SPICE1: variants seen among roughly 807,000 people sequenced by gnomAD.
SPICE1 encodes spindle and centriole associated protein 1.
In SPICE1, 75 loss-of-function variants were observed where a neutral mutation model predicts 102.7. The observed-to-expected ratio is 0.73, with a 90% CI of 0.61 to 0.88. SPICE1 has a LOEUF of 0.88. Ranked by LOEUF, SPICE1 falls within the 40% of genes least tolerant of loss-of-function variation. SPICE1 has a pLI of 0.00. For synonymous variants in SPICE1, 308 were observed against 350.3 expected (o/e 0.88, Z 1.35); for missense variants, 979 against 1,020.1 (o/e 0.96, Z 0.55).
chr3:113,488,022 GGTT>G (rs1936683196), intron 7 of SPICE1, among the ~76,000 whole-genome samples: 1 of 151,838 alleles, frequency 6.6e-6, no homozygotes, highest in African/African-American at 2.4e-5. Context: ...GAAGATTCCA[GGTT>G]TTTTTTAAAA....
chr3:113,505,609 A>G (rs1303847252), intron 2 of SPICE1, among the ~76,000 whole-genome samples: 1 of 152,224 alleles, frequency 6.6e-6, no homozygotes, highest in Non-Finnish European at 1.5e-5. Flanking sequence ...TCAGGTCACA[A>G]AAGAGAAATC....
intron 4 of SPICE1, among the ~76,000 whole-genome samples, chr3:113,495,727 C>A (rs756039142): frequency 5.3e-5 from 8 of 152,180 alleles, no homozygotes; most frequent in Non-Finnish European, 1.0e-4. Flanking sequence ...GAATTATGAG[C>A]TTAGGAAAGA....
At chr3:113,455,921 A>G (rs1269780922) in intron 13 of SPICE1, among the ~76,000 whole-genome samples, 1 of 152,246 alleles carries the variant, frequency 6.6e-6, no homozygotes, top group Non-Finnish European at 1.5e-5. Context: ...AAGAGGAAAT[A>G]CTGAATCATA....
Position 113,445,220 on chromosome 3 carries a change from A to G in SPICE1, c.*87T>C, listed in dbSNP as rs1935485201. The G allele has an allele frequency of 9.8e-7, 1 of 1,022,474 alleles. No individual in the cohort carries two copies. The highest frequency in any genetic ancestry group is 2.5e-5 in the East Asian group (1 of 40,238). The allele number at this position is 1,022,474 out of a possible 1,614,324, so 63.3% of individuals were successfully genotyped here. On this transcript the variant is annotated 3_prime_UTR_variant, in exon 18 of 18. Coordinates refer to ENST00000295872, the MANE Select transcript of SPICE1 (RefSeq NM_144718.4). ...ACAGGATCTTTGTAGGTTTTATCTG[A>G]AAGAAGGATATAAAAACTTAAAAGT...
At chr3:113,510,187 T>C (rs938844696) in intron 1 of SPICE1, among the ~76,000 whole-genome samples, 3 of 152,194 alleles carry the variant, frequency 2.0e-5, no homozygotes, top group Non-Finnish European at 4.4e-5. Flanking sequence ...AAAATAGCCA[T>C]ACTGGCATTT....
intron 4 of SPICE1, among the ~76,000 whole-genome samples, chr3:113,498,113 T>C (rs1414477451): frequency 6.6e-6 from 1 of 152,126 alleles, no homozygotes; most frequent in African/African-American, 2.4e-5. Context: ...TGACCTCAGG[T>C]GATCTGCCCG....
intron 7 of SPICE1, among the ~76,000 whole-genome samples, chr3:113,485,172 G>GTTTTTTT (rs1346426484): frequency 2.0e-5 from 3 of 147,246 alleles, no homozygotes. Flanking sequence ...CAGGAGTTTT[G>GTTTTTTT]TTTGTTTTTT....
chr3:113,468,357 T>A lies in SPICE1; in HGVS notation c.937A>T (p.Ile313Leu). The change falls in exon 10 of 18, where the codon ATA becomes TTA. Residue 313 changes from isoleucine to leucine, a missense_variant. Coordinates refer to ENST00000295872, the MANE Select transcript of SPICE1 (RefSeq NM_144718.4). ...LHALSKPKKN[I>L]SSGSTTSADL... is the part of the protein sequence containing the mutation. ...GCAGAGGTTGTGCTACCTGATGATATGTTTTTCTTCGGCTTGGAAAGAGCA... is the reference window on the plus strand; with the variant it reads ...GCAGAGGTTGTGCTACCTGATGATAAGTTTTTCTTCGGCTTGGAAAGAGCA... 1 of 1,614,220 alleles carries A rather than the reference T, an allele frequency of 6.2e-7. No individual in the cohort carries two copies. The highest frequency in any genetic ancestry group is 8.5e-7 in the Non-Finnish European group (1 of 1,180,028).
chr3:113,497,427 T>C (rs1358532890), intron 4 of SPICE1, among the ~76,000 whole-genome samples: 1 of 152,160 alleles, frequency 6.6e-6, no homozygotes, highest in Non-Finnish European at 1.5e-5. Context: ...TAAATTGTGG[T>C]ACATCTATAT....
intron 7 of SPICE1, among the ~76,000 whole-genome samples, chr3:113,475,964 G>T (rs978927099): frequency 3.3e-5 from 5 of 152,080 alleles, no homozygotes; most frequent in Admixed American, 2.0e-4. Flanking sequence ...GAAATAAAGG[G>T]TATTCAATTA....
chr3:113,486,380 GA>G (rs1203735086), intron 7 of SPICE1, among the ~76,000 whole-genome samples: 2 of 149,718 alleles, frequency 1.3e-5, no homozygotes, highest in East Asian at 2.0e-4. Flanking sequence ...ATAGAGACAT[GA>G]AAAACCCTTC....
intron 12 of SPICE1, among the ~76,000 whole-genome samples, chr3:113,459,228 T>A (rs528924831): frequency 2.0e-5 from 3 of 152,152 alleles, no homozygotes; most frequent in Non-Finnish European, 4.4e-5. Flanking sequence ...GCATACTCGT[T>A]AAGAGTCATC....
chr3:113,470,785 A>T (rs1474457006), intron 7 of SPICE1, among the ~76,000 whole-genome samples: 1 of 152,246 alleles, frequency 6.6e-6, no homozygotes, highest in East Asian at 1.9e-4. Flanking sequence ...GTCACAGAGC[A>T]TTAAGTCCTA....
chr3:113,503,432 G>T (rs987282521), intron 2 of SPICE1, among the ~76,000 whole-genome samples: 1 of 152,038 alleles, frequency 6.6e-6, no homozygotes, highest in Non-Finnish European at 1.5e-5. Context: ...ACTAATTTTA[G>T]ATGTCTTACA....
At chr3:113,495,299 C>T (rs71319370) in intron 4 of SPICE1, among the ~76,000 whole-genome samples, 6,631 of 152,328 alleles carry the variant, frequency 0.044, 208 homozygotes, top group Non-Finnish European at 0.071. Context: ...ATAACAAATA[C>T]TCTTACCAGA....
intron 6 of SPICE1, among the ~76,000 whole-genome samples, chr3:113,491,578 T>C (rs141752824): frequency 0.015 from 2,151 of 140,982 alleles, 14 homozygotes; most frequent in Middle Eastern, 0.034. Context: ...TGAGCCAAGA[T>C]TGCACCACTG....
At chr3:113,486,079 C>CT (rs1936639837) in intron 7 of SPICE1, among the ~76,000 whole-genome samples, 1 of 151,268 alleles carries the variant, frequency 6.6e-6, no homozygotes, top group African/African-American at 2.4e-5. Flanking sequence ...ACACTGCACT[C>CT]CAGCCTGGGC....
At position 113,468,290 on chromosome 3, in the gene SPICE1, T is replaced by G; in HGVS notation, c.1004A>C (p.Lys335Thr). 2 of 1,614,182 alleles carry G rather than the reference T, an allele frequency of 1.2e-6. No homozygotes were observed. The highest frequency in any genetic ancestry group is 1.7e-6 in the Non-Finnish European group (2 of 1,180,042). Residue 335 changes from lysine to threonine, a missense_variant, in exon 10 of 18, where the codon AAA becomes ACA. Coordinates refer to ENST00000295872, the MANE Select transcript of SPICE1 (RefSeq NM_144718.4). ...ATGTTCCACTTCATGTATCATGTGT[T>G]TGAGGACATCCAGGTTGGAATTAGT... ...NRTNSNLDVL[K>T]HMIHEVEHEM...
At chr3:113,487,199 CTA>C (rs1056121118) in intron 7 of SPICE1, among the ~76,000 whole-genome samples, 1 of 152,052 alleles carries the variant, frequency 6.6e-6, no homozygotes, top group Non-Finnish European at 1.5e-5. Flanking sequence ...AATTCCAAAA[CTA>C]TTTTCTATGT....
Sources: allele counts gnomAD v4.1 joint callset (sites outside exome capture counted in the v4.1 genomes callset), GRCh38; gene constraint gnomAD v4.1.1; transcripts MANE v1.5; gene names NCBI Gene and HGNC (gene_info 2026-07-23, HGNC 2026-07-21).